Variants in SORCS3 observed in about 807,000 individuals in gnomAD.
SORCS3 encodes the protein sortilin related VPS10 domain containing receptor 3.
A neutral mutation model predicts 146.3 loss-of-function variants in SORCS3; 57 were observed. The observed-to-expected ratio is 0.39, with a 90% CI of 0.31 to 0.49. SORCS3 has a LOEUF of 0.49. Among genes scored for constraint, SORCS3 ranks in the 20% least tolerant of loss-of-function variants. The probability of loss-of-function intolerance (pLI) is 0.92; values close to 1 mark genes in which losing one functional copy is unlikely to be tolerated. For synonymous variants in SORCS3, 653 were observed against 618.5 expected (o/e 1.06, Z -0.83); for missense variants, 1,341 against 1,575.5 (o/e 0.85, Z 2.52).
intron 14 of SORCS3, among the ~76,000 whole-genome samples, chr10:105,189,491 A>G (rs1011459107): frequency 3.3e-5 from 5 of 152,226 alleles, no homozygotes; most frequent in African/African-American, 4.8e-5. Flanking sequence ...CTTTAGGCGC[A>G]GGAGCCTGGG....
intron 1 of SORCS3, among the ~76,000 whole-genome samples, chr10:104,704,169 C>CTT (rs10694540): frequency 0.017 from 2,362 of 137,726 alleles, 79 homozygotes; most frequent in African/African-American, 0.053. Context: ...CCTTCTATGA[C>CTT]TTTTTTTTTT....
intron 4 of SORCS3, among the ~76,000 whole-genome samples, chr10:105,003,676 G>C (rs17118070): frequency 0.16 from 24,386 of 152,112 alleles, 2,193 homozygotes; most frequent in African/African-American, 0.23. Context: ...CAGCGTCCTA[G>C]CAGGAGCGTG....
At chr10:105,159,994 G>T (rs555899432) in intron 11 of SORCS3, among the ~76,000 whole-genome samples, 6 of 152,270 alleles carry the variant, frequency 3.9e-5, no homozygotes, top group East Asian at 3.9e-4. Flanking sequence ...GCTTCAGGGA[G>T]CCCAGGCTGA....
At position 105,114,376 on chromosome 10, in the gene SORCS3, C is replaced by T. The variant is rs142948114; in HGVS notation, c.1212+8861C>T. ...GAAAGCAGAAAATTTGGAAGAGGGA[C>T]GGTCATCTTGCCTCTGCCAGGTCTT... On this transcript the variant is annotated intron_variant, in intron 7 of 26. Coordinates refer to ENST00000369701, the MANE Select transcript of SORCS3 (RefSeq NM_014978.3). 6.7e-3 allele frequency among the ~76,000 whole-genome samples: 1,020 copies of T among 152,200 alleles called. 8 individuals carry two copies. The highest frequency in any genetic ancestry group is 0.046 in the South Asian group (220 of 4,808).
At chr10:104,924,643 A>C (rs377418157) in intron 3 of SORCS3, among the ~76,000 whole-genome samples, 1 of 152,190 alleles carries the variant, frequency 6.6e-6, no homozygotes, top group African/African-American at 2.4e-5. Context: ...GAGGTGGGCT[A>C]TCTGGGAAAA....
chr10:104,759,217 C>G (rs1240516709), intron 1 of SORCS3, among the ~76,000 whole-genome samples: 1 of 152,142 alleles, frequency 6.6e-6, no homozygotes, highest in South Asian at 2.1e-4. Flanking sequence ...AGAAGCTGGC[C>G]AGAGGCTGGA....
intron 16 of SORCS3, among the ~76,000 whole-genome samples, chr10:105,205,730 A>G (rs2056598641): frequency 6.6e-6 from 1 of 152,184 alleles, no homozygotes; most frequent in Non-Finnish European, 1.5e-5. Flanking sequence ...TCACTCGACA[A>G]AAACTTTACT....
At chr10:105,070,980 C>T (rs935032709) in intron 5 of SORCS3, among the ~76,000 whole-genome samples, 1 of 151,776 alleles carries the variant, frequency 6.6e-6, no homozygotes, top group African/African-American at 2.4e-5. Context: ...AGCAAGTATC[C>T]TGCTAGGGAA....
intron 2 of SORCS3, among the ~76,000 whole-genome samples, chr10:104,893,105 G>A (rs559200598): frequency 5.0e-4 from 76 of 152,196 alleles, no homozygotes; most frequent in African/African-American, 1.8e-3. Flanking sequence ...TTCAGGTTTT[G>A]AACTTACTTA....
At chr10:104,883,972 G>GA (rs2018655276) in intron 2 of SORCS3, among the ~76,000 whole-genome samples, 1 of 113,458 alleles carries the variant, frequency 8.8e-6, no homozygotes, top group Non-Finnish European at 1.7e-5. Context: ...TTCTGCTGTG[G>GA]AATGAGGGGG....
At chr10:105,155,669 T>C (rs577367954) in intron 9 of SORCS3, among the ~76,000 whole-genome samples, 1 of 152,322 alleles carries the variant, frequency 6.6e-6, no homozygotes, top group East Asian at 1.9e-4. Context: ...GATGCTGTCC[T>C]TCCTGAAATG....
chr10:104,772,154 C>T (rs2017256699), intron 1 of SORCS3, among the ~76,000 whole-genome samples: 1 of 151,720 alleles, frequency 6.6e-6, no homozygotes, highest in African/African-American at 2.4e-5. Context: ...ACCTCCTTTC[C>T]AGAATCCTCT....
At chr10:105,062,396 G>T (rs2055493963) in intron 5 of SORCS3, among the ~76,000 whole-genome samples, 1 of 152,174 alleles carries the variant, frequency 6.6e-6, no homozygotes, top group Non-Finnish European at 1.5e-5. Context: ...TGTCTCCTAG[G>T]GTTGTGGTGT....
intron 2 of SORCS3, among the ~76,000 whole-genome samples, chr10:104,871,064 G>C (rs944981529): frequency 3.3e-5 from 5 of 152,184 alleles, no homozygotes; most frequent in African/African-American, 1.2e-4. Flanking sequence ...GATACGAGTA[G>C]TTGGAGAAGA....
intron 7 of SORCS3, among the ~76,000 whole-genome samples, chr10:105,107,269 AT>A (rs2055828755): frequency 1.4e-5 from 2 of 147,544 alleles, no homozygotes; most frequent in Admixed American, 1.3e-4. Flanking sequence ...TTCCATTCTC[AT>A]TGTTATGGTC....
chr10:104,742,961 G>A (rs1219055759), intron 1 of SORCS3, among the ~76,000 whole-genome samples: 1 of 152,162 alleles, frequency 6.6e-6, no homozygotes, highest in Admixed American at 6.5e-5. Flanking sequence ...TGTGTAAGAA[G>A]CTTGGATATA....
At chr10:104,672,628 A>G (rs945177233) in intron 1 of SORCS3, among the ~76,000 whole-genome samples, 2 of 152,142 alleles carry the variant, frequency 1.3e-5, no homozygotes, top group African/African-American at 4.8e-5. Flanking sequence ...GCTGCATCCC[A>G]TAAGATTTGA....
intron 17 of SORCS3, among the ~76,000 whole-genome samples, chr10:105,212,590 C>T (rs1386832066): frequency 6.6e-6 from 1 of 151,788 alleles, no homozygotes; most frequent in Non-Finnish European, 1.5e-5. Context: ...TGCCAAAATC[C>T]CAAATAGCTA....
chr10:104,875,076 T>C (rs575282202), intron 2 of SORCS3, among the ~76,000 whole-genome samples: 1 of 152,208 alleles, frequency 6.6e-6, no homozygotes, highest in South Asian at 2.1e-4. Context: ...TCTTCCTTAC[T>C]CTCCTCGAGT....
Sources: allele counts gnomAD v4.1 joint callset (sites outside exome capture counted in the v4.1 genomes callset), GRCh38; gene constraint gnomAD v4.1.1; transcripts MANE v1.5; gene names NCBI Gene and HGNC (gene_info 2026-07-23, HGNC 2026-07-21).